Variants in GRID1 observed in about 807,000 individuals in gnomAD.
The protein encoded by GRID1 is glutamate receptor ionotropic, delta-1.
A neutral mutation model predicts 98.0 loss-of-function variants in GRID1; 28 were observed. The ratio of observed to expected loss-of-function variants is 0.29; its 90% confidence interval spans 0.21 to 0.39. The LOEUF (loss-of-function observed/expected upper bound fraction) is 0.39, where lower values mean the gene tolerates loss of function less well. Among genes scored for constraint, GRID1 ranks in the 10% least tolerant of loss-of-function variants. The pLI is 1.00. For synonymous variants in GRID1, 553 were observed against 538.5 expected, an observed-to-expected ratio of 1.03 and a Z score of -0.37; for missense variants, 1,111 against 1,340.5, an observed-to-expected ratio of 0.83 and a Z score of 2.67.
chr10:86,222,408 T>C (rs1846270073), intron 2 of GRID1, among the ~76,000 whole-genome samples: 1 of 152,094 alleles, frequency 6.6e-6, no homozygotes. Context: ...CTCGGTGCCA[T>C]CTGAGTGCCC....
At chr10:86,125,718 C>A (rs1284494515) in intron 4 of GRID1, among the ~76,000 whole-genome samples, 1 of 152,126 alleles carries the variant, frequency 6.6e-6, no homozygotes, top group Non-Finnish European at 1.5e-5. Context: ...ACCCATGAGA[C>A]AGCAAGACCA....
intron 12 of GRID1, among the ~76,000 whole-genome samples, chr10:85,713,774 T>C (rs1162593711): frequency 6.6e-6 from 1 of 151,848 alleles, no homozygotes; most frequent in Non-Finnish European, 1.5e-5. Flanking sequence ...TCAAAAGATG[T>C]AGAAAAATCA....
intron 2 of GRID1, among the ~76,000 whole-genome samples, chr10:86,337,697 A>ATTTTT (rs1848243959): frequency 9.1e-6 from 1 of 110,030 alleles, no homozygotes; most frequent in African/African-American, 4.0e-5. Context: ...CCCTTTGGGA[A>ATTTTT]CTTTTTTTTT....
At chr10:86,185,754 G>A (rs974484527) in intron 3 of GRID1, among the ~76,000 whole-genome samples, 3 of 152,100 alleles carry the variant, frequency 2.0e-5, no homozygotes, top group African/African-American at 4.8e-5. Context: ...GGTGAATTAC[G>A]TCACTTGATT....
At chr10:85,819,840 G>A (rs1452486550) in intron 8 of GRID1, among the ~76,000 whole-genome samples, 1 of 151,958 alleles carries the variant, frequency 6.6e-6, no homozygotes, top group Non-Finnish European at 1.5e-5. Flanking sequence ...CTTGAACCCA[G>A]GAGGTGAAGG....
rs80307459 is a variant in GRID1, at chr10:86,035,940, G to A, written c.726+102879C>T. On this transcript the variant is annotated intron_variant, in intron 4 of 15. Coordinates refer to ENST00000327946, the MANE Select transcript of GRID1 (RefSeq NM_017551.3). ...AACACTTGGAATGGGAGGCTCAGGC[G>A]AAAGCTTTTGAGAGCCCCCTGCAGC... Among the ~76,000 whole-genome samples, 768 of 152,254 alleles carry A rather than the reference G, an allele frequency of 5.0e-3. 7 individuals carry two copies. The highest frequency in any genetic ancestry group is 0.018 in the African/African-American group (728 of 41,542).
intron 4 of GRID1, among the ~76,000 whole-genome samples, chr10:86,000,036 T>A (rs1318351546): frequency 6.6e-6 from 1 of 152,158 alleles, no homozygotes; most frequent in African/African-American, 2.4e-5. Flanking sequence ...AGTAAAACTG[T>A]CCCTATTCAC....
intron 15 of GRID1, among the ~76,000 whole-genome samples, chr10:85,605,066 A>T (rs568881343): frequency 1.3e-4 from 20 of 152,230 alleles, no homozygotes; most frequent in Admixed American, 1.1e-3. Flanking sequence ...CAGCAGTGGG[A>T]CTCTGCCAAA....
intron 4 of GRID1, among the ~76,000 whole-genome samples, chr10:86,138,412 A>C (rs1477442439): frequency 6.6e-6 from 1 of 152,208 alleles, no homozygotes; most frequent in African/African-American, 2.4e-5. Flanking sequence ...CCAGGTGCTA[A>C]GAAATCCCAA....
intron 15 of GRID1, chr10:85,607,154 G>T (rs59258579): frequency 6.6e-6 from 1 of 152,206 alleles, no homozygotes; most frequent in Non-Finnish European, 1.5e-5. Context: ...CAGAGATAAA[G>T]TTCTGTAATT....
intron 4 of GRID1, among the ~76,000 whole-genome samples, chr10:86,007,668 G>T (rs1317257844): frequency 6.6e-6 from 1 of 152,088 alleles, no homozygotes; most frequent in Non-Finnish European, 1.5e-5. Flanking sequence ...CTTTTCTTCT[G>T]CTCCCCTAAG....
chr10:86,177,019 C>T (rs1156921054), intron 3 of GRID1, among the ~76,000 whole-genome samples: 3 of 151,966 alleles, frequency 2.0e-5, no homozygotes, highest in African/African-American at 7.3e-5. Flanking sequence ...TGTGAGACAG[C>T]CCCAGGCATG....
chr10:85,645,747 C>G (rs1343209286), intron 13 of GRID1: 2 of 152,208 alleles, frequency 1.3e-5, no homozygotes, highest in Non-Finnish European at 2.9e-5. Flanking sequence ...TTCAATGTGG[C>G]TAAATGGCAA....
chr10:85,644,144 A>G (rs1590172116), intron 13 of GRID1: 2 of 152,350 alleles, frequency 1.3e-5, no homozygotes, highest in East Asian at 3.9e-4. Flanking sequence ...GGAGCCCAGC[A>G]CTGCCTTGCT....
At chr10:86,190,311 A>G (rs937698147) in intron 3 of GRID1, among the ~76,000 whole-genome samples, 1 of 152,100 alleles carries the variant, frequency 6.6e-6, no homozygotes, top group Non-Finnish European at 1.5e-5. Flanking sequence ...GACCAAACAC[A>G]GAGTTGGGAA....
At chr10:85,991,136 G>A (rs1306847043) in intron 4 of GRID1, among the ~76,000 whole-genome samples, 6 of 152,152 alleles carry the variant, frequency 3.9e-5, no homozygotes, top group African/African-American at 1.2e-4. Flanking sequence ...TTGCCTGATT[G>A]TCTGTGGATG....
At chr10:86,204,606 C>A (rs979998203) in intron 3 of GRID1, among the ~76,000 whole-genome samples, 144 of 152,332 alleles carry the variant, frequency 9.5e-4, no homozygotes, top group East Asian at 5.8e-4. Flanking sequence ...AGGCCTTGTT[C>A]AGTCTGCAGG....
At chr10:86,005,717 A>T (rs1842853107) in intron 4 of GRID1, among the ~76,000 whole-genome samples, 3 of 152,238 alleles carry the variant, frequency 2.0e-5, no homozygotes, top group African/African-American at 7.2e-5. Context: ...CAGACATAGA[A>T]TTCAGACAAG....
chr10:85,890,232 G>A (rs1841180201), intron 5 of GRID1, among the ~76,000 whole-genome samples: 1 of 151,588 alleles, frequency 6.6e-6, no homozygotes, highest in South Asian at 2.1e-4. Context: ...ATTGACCATC[G>A]GGCAAACTAT....
Sources: gnomAD v4.1 joint callset for allele counts (sites outside exome capture counted in the v4.1 genomes callset) on GRCh38, gnomAD v4.1.1 for gene constraint, MANE v1.5 for transcripts, NCBI Gene and HGNC (gene_info 2026-07-23, HGNC 2026-07-21) for gene names.